NOS1AP: variants seen among roughly 807,000 people sequenced by gnomAD.
NOS1AP encodes the protein carboxyl-terminal PDZ ligand of neuronal nitric oxide synthase protein.
NOS1AP carries 21 observed loss-of-function variants against 56.2 expected under a neutral mutation model. The ratio of observed to expected loss-of-function variants is 0.37; its 90% confidence interval spans 0.26 to 0.54. NOS1AP has a LOEUF of 0.54. Ranked by LOEUF, NOS1AP falls within the 20% of genes least tolerant of loss-of-function variation. The probability of loss-of-function intolerance (pLI) is 0.84; values close to 1 mark genes in which losing one functional copy is unlikely to be tolerated. For missense variants in NOS1AP, 522 were observed against 657.8 expected (o/e 0.79, Z 2.26); for synonymous variants, 270 against 274.6 (o/e 0.98, Z 0.17).
intron 1 of NOS1AP, among the ~76,000 whole-genome samples, chr1:162,118,519 G>T (rs1250162539): frequency 2.0e-5 from 3 of 152,010 alleles, no homozygotes; most frequent in African/African-American, 7.3e-5. Context: ...CCACGTGTTT[G>T]CTAATGTGAA....
rs114829551 is a variant in NOS1AP at position 162,287,755 on chromosome 1, T to C, written c.270+319T>C. 8.8e-3 allele frequency among the ~76,000 whole-genome samples: 1,346 copies of C among 152,176 alleles called. 19 individuals are homozygous for C. The highest frequency in any genetic ancestry group is 0.031 in the African/African-American group (1,277 of 41,532). On this transcript the variant is annotated intron_variant, in intron 3 of 9. Coordinates refer to ENST00000361897, the MANE Select transcript of NOS1AP (RefSeq NM_014697.3). Reference sequence around the variant, plus strand: ...TTTGAGTCCTGATGGTAGAAAATATTTTCAATTTTAGTAAGAATAGCAGGG... The same window carrying C: ...TTTGAGTCCTGATGGTAGAAAATATCTTCAATTTTAGTAAGAATAGCAGGG...
chr1:162,127,892 T>G (rs1193620317), intron 1 of NOS1AP, among the ~76,000 whole-genome samples: 1 of 152,100 alleles, frequency 6.6e-6, no homozygotes, highest in African/African-American at 2.4e-5. Flanking sequence ...CCAAACCATA[T>G]CACTAAGAAT....
chr1:162,099,328 C>T (rs1692326315), intron 1 of NOS1AP, among the ~76,000 whole-genome samples: 1 of 152,074 alleles, frequency 6.6e-6, no homozygotes, highest in Non-Finnish European at 1.5e-5. Context: ...GCTGGGACTA[C>T]AGGCGCCTGT....
At chr1:162,274,132 G>A (rs1201169029) in intron 2 of NOS1AP, among the ~76,000 whole-genome samples, 1 of 152,196 alleles carries the variant, frequency 6.6e-6, no homozygotes, top group Non-Finnish European at 1.5e-5. Context: ...CGTTCTAAGA[G>A]ACTGCTAAAT....
chr1:162,249,533 T>A (rs1653782153), intron 2 of NOS1AP, among the ~76,000 whole-genome samples: 1 of 152,176 alleles, frequency 6.6e-6, no homozygotes, highest in Non-Finnish European at 1.5e-5. Context: ...GAGGATTAAT[T>A]CTCTTGTCAT....
chr1:162,194,583 A>G (rs1208659428), intron 2 of NOS1AP, among the ~76,000 whole-genome samples: 1 of 152,118 alleles, frequency 6.6e-6, no homozygotes, highest in Non-Finnish European at 1.5e-5. Context: ...GGGCTCTTGG[A>G]TATGAAAATG....
rs57389366 is a variant in NOS1AP at position 162,308,513 on chromosome 1, C to T, written c.344+7807C>T. ...GTAGGGAGGTGATAACCAGGCGGGG[C>T]TGGTGCTGAGGTCACTGAGGGATGT... On this transcript the variant is annotated intron_variant, in intron 4 of 9. Transcript: ENST00000361897. 4.1e-3 allele frequency among the ~76,000 whole-genome samples: 619 copies of T among 152,266 alleles called. 3 individuals carry two copies. The highest frequency in any genetic ancestry group is 0.014 in the African/African-American group (575 of 41,554).
At chr1:162,350,273 C>CT in intron 6 of NOS1AP, among the ~76,000 whole-genome samples, 1 of 152,352 alleles carries the variant, frequency 6.6e-6, no homozygotes. Flanking sequence ...CTTGTCATGT[C>CT]TTTTCATCGT....
chr1:162,170,272 A>G (rs181453529), intron 2 of NOS1AP, among the ~76,000 whole-genome samples: 7 of 152,322 alleles, frequency 4.6e-5, no homozygotes, highest in Admixed American at 2.0e-4. Context: ...TCTAAGCACT[A>G]TACATGTATT....
intron 2 of NOS1AP, among the ~76,000 whole-genome samples, chr1:162,203,430 C>T (rs1417554136): frequency 6.6e-6 from 1 of 152,132 alleles, no homozygotes; most frequent in East Asian, 1.9e-4. Context: ...AGCTTTTCCC[C>T]CAGCACACAT....
intron 1 of NOS1AP, among the ~76,000 whole-genome samples, chr1:162,088,401 A>T (rs942374999): frequency 2.2e-4 from 33 of 152,170 alleles, no homozygotes; most frequent in African/African-American, 7.2e-4. Flanking sequence ...TTGTAATTTT[A>T]AAAGCTCCCA....
At chr1:162,261,700 G>A (rs957304323) in intron 2 of NOS1AP, among the ~76,000 whole-genome samples, 7 of 152,166 alleles carry the variant, frequency 4.6e-5, no homozygotes, top group South Asian at 2.1e-4. Context: ...CAGAAGGAAC[G>A]CATCCCTGCA....
intron 8 of NOS1AP, among the ~76,000 whole-genome samples, chr1:162,358,961 C>A (rs1657796523): frequency 6.6e-6 from 1 of 152,196 alleles, no homozygotes; most frequent in Non-Finnish European, 1.5e-5. Flanking sequence ...AGACATGTAA[C>A]TTATCACAGG....
chr1:162,180,599 A>G (rs1651223647), intron 2 of NOS1AP, among the ~76,000 whole-genome samples: 1 of 152,148 alleles, frequency 6.6e-6, no homozygotes, highest in South Asian at 2.1e-4. Flanking sequence ...GACCTTCTGC[A>G]TGTGAGAGGC....
chr1:162,103,856 A>G (rs1647399987), intron 1 of NOS1AP, among the ~76,000 whole-genome samples: 1 of 152,104 alleles, frequency 6.6e-6, no homozygotes. Flanking sequence ...TTGGCTCTTC[A>G]TGCAGCTTGC....
intron 2 of NOS1AP, among the ~76,000 whole-genome samples, chr1:162,182,789 A>T (rs1010870274): frequency 6.6e-6 from 1 of 152,190 alleles, no homozygotes; most frequent in South Asian, 2.1e-4. Context: ...CCATTCAGTC[A>T]CATCTTCAGG....
At chr1:162,327,091 T>C (rs1305089040) in intron 4 of NOS1AP, among the ~76,000 whole-genome samples, 2 of 152,156 alleles carry the variant, frequency 1.3e-5, no homozygotes, top group East Asian at 1.9e-4. Context: ...ATTAGGCTTA[T>C]GGAAAAGGCT....
intron 8 of NOS1AP, among the ~76,000 whole-genome samples, chr1:162,360,220 T>G (rs1657855902): frequency 6.6e-6 from 1 of 152,156 alleles, no homozygotes; most frequent in African/African-American, 2.4e-5. Flanking sequence ...CAACCAACTC[T>G]TAAGTATTTC....
chr1:162,353,418 G>A (rs761505774), intron 6 of NOS1AP, among the ~76,000 whole-genome samples: 6 of 152,192 alleles, frequency 3.9e-5, no homozygotes, highest in East Asian at 3.9e-4. Flanking sequence ...GGCTTCTGGC[G>A]AGGCCCTGTC....
Sources: gnomAD v4.1 joint callset for allele counts (sites outside exome capture counted in the v4.1 genomes callset) on GRCh38, gnomAD v4.1.1 for gene constraint, MANE v1.5 for transcripts, NCBI Gene and HGNC (gene_info 2026-07-23, HGNC 2026-07-21) for gene names.